The following FOXN3 variants were observed in gnomAD, a reference collection of about 807,000 sequenced individuals.
FOXN3 encodes forkhead box N3.
In FOXN3, 7 loss-of-function variants were observed where a neutral mutation model predicts 38.4. The observed-to-expected ratio is 0.18, with a 90% CI of 0.10 to 0.34. FOXN3 has a LOEUF of 0.34. Among genes scored for constraint, FOXN3 ranks in the 10% least tolerant of loss-of-function variants. FOXN3 has a pLI of 1.00. For missense variants in FOXN3, 456 were observed against 613.4 expected (o/e 0.74, Z 2.71); for synonymous variants, 230 against 242.2 (o/e 0.95, Z 0.47).
intron 3 of FOXN3, among the ~76,000 whole-genome samples, chr14:89,332,005 G>T (rs1396218978): frequency 6.6e-6 from 1 of 152,108 alleles, no homozygotes; most frequent in African/African-American, 2.4e-5. Flanking sequence ...TTACTACAAA[G>T]AAGTTATAAT....
chr14:89,165,974 A>G (rs1473325984), intron 5 of FOXN3, among the ~76,000 whole-genome samples: 1 of 152,238 alleles, frequency 6.6e-6, no homozygotes, highest in Non-Finnish European at 1.5e-5. Context: ...GTTAAGCAGA[A>G]CATGATCCCT....
chr14:89,581,815 A>G lies in FOXN3; in HGVS notation c.-15+37213T>C, dbSNP rs187782226. Among the ~76,000 whole-genome samples the G allele has an allele frequency of 3.1e-4, 47 of 152,252 alleles. 2 individuals are homozygous for G. In the East Asian group the frequency reaches 8.5e-3, roughly 28 times the overall value. Reference sequence around the variant, plus strand: ...CCCCGCACAATCCCCCATCATTCACACTGAGCCATTTTTGTATTCTCAATT... The same window carrying G: ...CCCCGCACAATCCCCCATCATTCACGCTGAGCCATTTTTGTATTCTCAATT... On this transcript the variant is annotated intron_variant, in intron 1 of 6. Coordinates refer to the FOXN3 transcript ENST00000345097.
Position 89,241,279 on chromosome 14 carries a change from T to C in FOXN3, c.745+39671A>G, listed in dbSNP as rs150240187. ...AAGTTCACACGAATGTTCACAAATATTACTTGGCCTGTAAATTATTCCCAG... is the reference window on the plus strand; with the variant it reads ...AAGTTCACACGAATGTTCACAAATACTACTTGGCCTGTAAATTATTCCCAG... On this transcript the variant is annotated intron_variant, in intron 4 of 5. Coordinates refer to ENST00000557258, the MANE Select transcript of FOXN3 (RefSeq NM_005197.4). 2.7e-3 allele frequency among the ~76,000 whole-genome samples: 404 copies of C among 152,344 alleles called. 3 individuals carry two copies. The highest frequency in any genetic ancestry group is 9.0e-3 in the African/African-American group (374 of 41,586).
At chr14:89,453,028 G>A (rs1180995260) in intron 1 of FOXN3, among the ~76,000 whole-genome samples, 2 of 151,812 alleles carry the variant, frequency 1.3e-5, no homozygotes, top group Admixed American at 6.6e-5. Flanking sequence ...GTGAAACTCC[G>A]TCCCTATTAA....
chr14:89,390,662 A>G (rs1457980513), intron 2 of FOXN3, among the ~76,000 whole-genome samples: 2 of 152,132 alleles, frequency 1.3e-5, no homozygotes, highest in African/African-American at 4.8e-5. Flanking sequence ...ATTACAGAAA[A>G]TAAAAATGGC....
rs1368565167 is a variant in FOXN3 at position 89,488,611 on chromosome 14, C to CA, written c.-14-76122dup. Among the ~76,000 whole-genome samples, 3 of 146,706 alleles carry CA rather than the reference C, an allele frequency of 2.0e-5. No homozygotes were observed. The East Asian group carries it at 6.2e-4, about 30-fold the overall frequency. ...AGGCCACAGTGAGCCATGATGGTGC[C>CA]ATTGCCCCATCTCAAAAAAAAAAAA... On this transcript the variant is annotated intron_variant, in intron 1 of 6. Transcript: ENST00000345097.
intron 1 of FOXN3, among the ~76,000 whole-genome samples, chr14:89,526,588 A>C (rs1230042133): frequency 6.6e-6 from 1 of 152,178 alleles, no homozygotes; most frequent in Non-Finnish European, 1.5e-5. Context: ...ACAAAACATT[A>C]CTGAAAGAAA....
intron 1 of FOXN3, among the ~76,000 whole-genome samples, chr14:89,551,275 C>T (rs144360707): frequency 6.6e-6 from 1 of 152,200 alleles, no homozygotes; most frequent in Non-Finnish European, 1.5e-5. Flanking sequence ...GGCTCAAGAG[C>T]TGTGGGTCTA....
chr14:89,588,448 T>C (rs980004337), intron 1 of FOXN3, among the ~76,000 whole-genome samples: 5 of 152,182 alleles, frequency 3.3e-5, no homozygotes. Flanking sequence ...TTGTCAGCTT[T>C]TCTGTTTCAG....
At chr14:89,305,766 T>C (rs939466753) in intron 3 of FOXN3, among the ~76,000 whole-genome samples, 1 of 152,212 alleles carries the variant, frequency 6.6e-6, no homozygotes, top group East Asian at 1.9e-4. Context: ...TAAGAATGAT[T>C]CTTATTAAAC....
chr14:89,366,716 C>T (rs917939104), intron 2 of FOXN3, among the ~76,000 whole-genome samples: 8 of 152,150 alleles, frequency 5.3e-5, no homozygotes, highest in South Asian at 2.1e-4. Flanking sequence ...CAACTGGGCG[C>T]GCACTCCTTC....
intron 5 of FOXN3, among the ~76,000 whole-genome samples, chr14:89,167,884 G>C (rs1311480972): frequency 6.6e-6 from 1 of 152,210 alleles, no homozygotes; most frequent in African/African-American, 2.4e-5. Context: ...CACTCAGTGG[G>C]AGGCAGGAAG....
At chr14:89,374,855 T>C (rs569382580) in intron 2 of FOXN3, among the ~76,000 whole-genome samples, 1 of 151,518 alleles carries the variant, frequency 6.6e-6, no homozygotes, top group Non-Finnish European at 1.5e-5. Flanking sequence ...CGCACGCCTG[T>C]AATCCCAGCT....
chr14:89,526,617 G>A (rs1198326562), intron 1 of FOXN3, among the ~76,000 whole-genome samples: 11 of 152,172 alleles, frequency 7.2e-5, no homozygotes, highest in Middle Eastern at 3.4e-3. Context: ...CTAAATAAGC[G>A]GAGCAATATA....
In FOXN3 at chr14:89,511,264, TTTCTTTC is replaced by T. The variant is rs1894082503; in HGVS notation, c.-14-98781_-14-98775del. Among the ~76,000 whole-genome samples the T allele has an allele frequency of 1.5e-4, 4 of 26,918 alleles. 1 individual carries two copies. The highest frequency in any genetic ancestry group is 3.5e-4 in the African/African-American group (4 of 11,536). The allele number at this position is 26,918 out of a possible 152,430, so 17.7% of individuals were successfully genotyped here. A position where few individuals can be genotyped will look rare whatever the true frequency, so the allele number is the denominator to read the frequency against. Reference sequence around the variant, plus strand: ...TTTCTTTCTTTTCTTTCTTTCTTTCTTTCTTTCTTTCTTTCTTTCTTTCTTTCTTTCT... The same window carrying T: ...TTTCTTTCTTTTCTTTCTTTCTTTCTTTTCTTTCTTTCTTTCTTTCTTTCT... On this transcript the variant is annotated intron_variant, in intron 1 of 6. Transcript: ENST00000345097.
At chr14:89,419,445 T>G (rs1021945741), upstream of FOXN3, 7 of 319,126 alleles carry the variant, frequency 2.2e-5, no homozygotes, top group Admixed American at 4.2e-5. Flanking sequence ...CCTTGCGTCT[T>G]AGGTCCTGAG....
At chr14:89,618,315 C>T (rs1896531040) in intron 1 of FOXN3, among the ~76,000 whole-genome samples, 1 of 152,168 alleles carries the variant, frequency 6.6e-6, no homozygotes, top group Admixed American at 6.5e-5. Flanking sequence ...TTTCCCTTCC[C>T]CAAATGTCAT....
At chr14:89,320,198 C>A (rs1887858964) in intron 3 of FOXN3, among the ~76,000 whole-genome samples, 1 of 152,202 alleles carries the variant, frequency 6.6e-6, no homozygotes, top group African/African-American at 2.4e-5. Flanking sequence ...CTCTTGCAGC[C>A]TCCCAAGGGT....
chr14:89,219,728 G>A lies in FOXN3; in HGVS notation c.746-38922C>T, dbSNP rs138715859. Among the ~76,000 whole-genome samples the A allele has an allele frequency of 5.2e-3, 795 of 152,306 alleles. 5 individuals are homozygous for A. The highest frequency in any genetic ancestry group is 0.018 in the African/African-American group (735 of 41,558). ...TTCCCTTACAAACAAGTTGATACACGCAAAGCCCTTAGAACAGCGCCTGGT... is the reference window on the plus strand; with the variant it reads ...TTCCCTTACAAACAAGTTGATACACACAAAGCCCTTAGAACAGCGCCTGGT... On this transcript the variant is annotated intron_variant, in intron 4 of 5. Transcript: ENST00000557258.
Sources: gnomAD v4.1 joint callset for allele counts (sites outside exome capture counted in the v4.1 genomes callset) on GRCh38, gnomAD v4.1.1 for gene constraint, MANE v1.5 for transcripts, NCBI Gene and HGNC (gene_info 2026-07-23, HGNC 2026-07-21) for gene names.